The following QTGAL variants were observed in gnomAD, a reference collection of about 807,000 sequenced individuals.
QTGAL encodes BGnT-like protein 1.
the QTGAL span, among the ~76,000 whole-genome samples, chr17:83,010,086 G>A: frequency 2.5e-5 from 3 of 121,892 alleles, no homozygotes; most frequent in Admixed American, 8.0e-5. Context: ...GTGTGGAGCT[G>A]CAGGGGACCC....
the QTGAL span, among the ~76,000 whole-genome samples, chr17:83,015,319 C>A: frequency 1.3e-5 from 2 of 152,388 alleles, no homozygotes; most frequent in East Asian, 3.9e-4. The surrounding 1 kb of genome is among the most constrained non-coding windows in gnomAD (Gnocchi z 4.4). Flanking sequence ...TTCCCTAAGA[C>A]CCTGACGTCT....
the QTGAL span, chr17:82,956,555 G>A: frequency 8.2e-6 from 8 of 980,792 alleles, no homozygotes; most frequent in African/African-American, 9.9e-5. The surrounding 1 kb of genome is among the most constrained non-coding windows in gnomAD (Gnocchi z 5.7). Flanking sequence ...GTTGTGGACG[G>A]CTGTGGCACC....
At chr17:83,023,392 T>A in the QTGAL span, among the ~76,000 whole-genome samples, 3 of 148,726 alleles carry the variant, frequency 2.0e-5, no homozygotes, top group Non-Finnish European at 3.0e-5. Flanking sequence ...TGAACTCACA[T>A]TGGCTGCTCT....
At chr17:82,975,286 G>A in the QTGAL span, among the ~76,000 whole-genome samples, 24 of 5,220 alleles carry the variant, frequency 4.6e-3, no homozygotes, top group African/African-American at 0.035. Context: ...TATGGGGAAC[G>A]AGGGCCCCGG....
chr17:82,985,158 G>T, the QTGAL span, among the ~76,000 whole-genome samples: 2 of 152,176 alleles, frequency 1.3e-5, no homozygotes, highest in Non-Finnish European at 2.9e-5. Context: ...TTCACCTTTC[G>T]GTTTGTTTAG....
At chr17:82,972,801 G>A in the QTGAL span, among the ~76,000 whole-genome samples, 2 of 144,158 alleles carry the variant, frequency 1.4e-5, no homozygotes, top group African/African-American at 5.4e-5. Context: ...ACCTGGTGCC[G>A]ACCACAGCAC....
At chr17:82,955,280 A>AGTC in the QTGAL span, among the ~76,000 whole-genome samples, 5 of 152,174 alleles carry the variant, frequency 3.3e-5, no homozygotes, top group Non-Finnish European at 5.9e-5. Flanking sequence ...ACAAGAAAAA[A>AGTC]CCTCATCAAA....
chr17:83,014,325 T>G, the QTGAL span: 1 of 986,380 alleles, frequency 1.0e-6, no homozygotes, highest in Non-Finnish European at 1.5e-6. Flanking sequence ...CAGCCACAGA[T>G]CCCTCTCCGT....
At chr17:82,978,771 T>C in the QTGAL span, 1 of 152,146 alleles carries the variant, frequency 6.6e-6, no homozygotes, top group African/African-American at 2.4e-5. The surrounding 1 kb of genome is among the most constrained non-coding windows in gnomAD (Gnocchi z 4.8). Flanking sequence ...ACGAATCCAG[T>C]TGAGTCTAGA....
At chr17:82,963,700 G>T in the QTGAL span, among the ~76,000 whole-genome samples, 1 of 152,172 alleles carries the variant, frequency 6.6e-6, no homozygotes, top group African/African-American at 2.4e-5. Context: ...GAGCATTGAA[G>T]AAAGTGCATT....
chr17:83,001,850 G>T, the QTGAL span, among the ~76,000 whole-genome samples: 1 of 152,092 alleles, frequency 6.6e-6, no homozygotes, highest in Non-Finnish European at 1.5e-5. Flanking sequence ...GCTCATGGTG[G>T]CCTTGACCTC....
At chr17:83,008,426 G>A in the QTGAL span, among the ~76,000 whole-genome samples, 3 of 152,154 alleles carry the variant, frequency 2.0e-5, no homozygotes, top group Admixed American at 1.3e-4. Context: ...CAATTCCACC[G>A]AAAAAAAGAG....
the QTGAL span, among the ~76,000 whole-genome samples, chr17:82,965,243 G>A: frequency 6.6e-6 from 1 of 151,734 alleles, no homozygotes; most frequent in African/African-American, 2.4e-5. Flanking sequence ...CACCCCCATG[G>A]GGGGGACGGG....
At chr17:83,026,653 C>A in the QTGAL span, among the ~76,000 whole-genome samples, 2 of 133,684 alleles carry the variant, frequency 1.5e-5, no homozygotes, top group Admixed American at 7.6e-5. Context: ...ACAAACCCAC[C>A]CTCGACAGAC....
the QTGAL span, among the ~76,000 whole-genome samples, chr17:82,993,637 T>C: frequency 6.6e-6 from 1 of 152,090 alleles, no homozygotes; most frequent in South Asian, 2.1e-4. Context: ...CAAATGGACC[T>C]AATAGATATT....
chr17:82,947,035 C>CGG, the QTGAL span: 1 of 1,482,362 alleles, frequency 6.7e-7, no homozygotes, highest in Non-Finnish European at 9.2e-7. Context: ...TCTAGGAGGC[C>CGG]ACTGTGGAGC....
chr17:82,980,458 C>T, the QTGAL span, among the ~76,000 whole-genome samples: 10 of 152,290 alleles, frequency 6.6e-5, no homozygotes, highest in East Asian at 1.9e-4. Context: ...GCTCAGTCCC[C>T]GTGACCCCTT....
chr17:83,018,597 G>C, the QTGAL span, among the ~76,000 whole-genome samples: 8 of 152,228 alleles, frequency 5.3e-5, no homozygotes, highest in African/African-American at 1.7e-4. Flanking sequence ...GCAATTACAT[G>C]TCAGGGTTAA....
At chr17:83,022,989 G>C in the QTGAL span, among the ~76,000 whole-genome samples, 1 of 30,526 alleles carries the variant, frequency 3.3e-5, no homozygotes. Flanking sequence ...ACTGTCCCCG[G>C]CCCACCTGCA....
Sources: allele counts gnomAD v4.1 joint callset (sites outside exome capture counted in the v4.1 genomes callset), GRCh38; gene constraint gnomAD v4.1.1; non-coding constraint Gnocchi (gnomAD v3.1); transcripts MANE v1.5; gene names NCBI Gene and HGNC (gene_info 2026-07-23, HGNC 2026-07-21).